Variants in SEC23A observed in about 807,000 individuals in gnomAD.
SEC23A encodes the protein SEC23 homolog A, COPII component.
Under a neutral mutation model 103.7 loss-of-function variants are expected in SEC23A, and 56 were observed. The observed-to-expected ratio is 0.54, with a 90% CI of 0.44 to 0.67. The LOEUF is 0.67. SEC23A is among the 30% of genes least tolerant of loss of function. The pLI is 0.00. For synonymous variants in SEC23A, 281 were observed against 293.0 expected (o/e 0.96, Z 0.42); for missense variants, 784 against 936.4 (o/e 0.84, Z 2.12).
chr14:39,064,914 T>A lies in SEC23A; in HGVS notation c.1307A>T (p.Asn436Ile). The change falls in exon 11 of 20, where the codon AAT (asparagine) becomes ATT (isoleucine). Residue 436 changes from asparagine (N) to isoleucine (I), a missense_variant and splice_region_variant. This residue lies in a region of SEC23A where 683 missense variants were observed against 774.2 expected (regional missense o/e 0.88). Transcript: ENST00000307712. ...LNSKGPCVSE[N>I]EIGTGGTCQW... The stretch of plus-strand genomic sequence containing the variant: ...CTTTTTAGAATAAACACAACTTACA[T>A]TTTCAGACACACAGGGTCCTTTAGA... The A allele has an allele frequency of 6.2e-7, 1 of 1,605,118 alleles. No individual in the cohort carries two copies. The highest frequency in any genetic ancestry group is 8.5e-7 in the Non-Finnish European group (1 of 1,171,864).
chr14:39,079,743 AC>A (rs1485264537), intron 7 of SEC23A, among the ~76,000 whole-genome samples: 1 of 152,010 alleles, frequency 6.6e-6, no homozygotes, highest in Non-Finnish European at 1.5e-5. Flanking sequence ...AATTGCTTAA[AC>A]CCAGGAGGTG....
In SEC23A at chr14:39,091,535, C is replaced by G. The variant is rs765405316; in HGVS notation, c.545G>C (p.Gly182Ala). The change falls in exon 5 of 20, where the codon GGC becomes GCC. Residue 182 changes from glycine (G) to alanine (A), a missense_variant. Transcript: ENST00000307712. ...MVQVHELGCE[G>A]ISKSYVFRGT... is the part of the protein sequence containing the mutation. ...TCTGAAGACATAGCTTTTTGAAATG[C>G]CTTCACATCCAAGTTCATGAACCTG... 3 of 1,613,950 alleles carry G rather than the reference C, an allele frequency of 1.9e-6. No individual in the cohort carries two copies. Among genetic ancestry groups the G allele is most frequent in the Admixed American group, 1.7e-5 (1 of 60,002 alleles).
At chr14:39,056,867 A>C (rs1886268910) in intron 13 of SEC23A, among the ~76,000 whole-genome samples, 1 of 152,188 alleles carries the variant, frequency 6.6e-6, no homozygotes, top group South Asian at 2.1e-4. Flanking sequence ...GTAAGTGTAA[A>C]GGCAGCTCTC....
chr14:39,040,501 G>A, intron 18 of SEC23A: 1 of 572,840 alleles, frequency 1.7e-6, no homozygotes. Context: ...CAGGAAGCTA[G>A]GCTAGAGACA....
At chr14:39,074,670 G>A in intron 8 of SEC23A, 140 bp from the exon 9 acceptor site, 3 of 618,410 alleles carry the variant, frequency 4.9e-6, no homozygotes, top group Non-Finnish European at 8.6e-6. Context: ...TTTCTGTAAT[G>A]TTAATAAAAT....
At chr14:39,086,038 C>T in intron 6 of SEC23A, 132 bp from the exon 7 acceptor site, 3 of 801,084 alleles carry the variant, frequency 3.7e-6, no homozygotes, top group Admixed American at 2.0e-5. Context: ...CTCAAACTTT[C>T]GTGTATATGA....
At chr14:39,067,339 C>T (rs746936125) in intron 9 of SEC23A, 43 bp from the exon 10 acceptor site, 1 of 1,609,854 alleles carries the variant, frequency 6.2e-7, no homozygotes, top group Non-Finnish European at 8.5e-7. Context: ...GACACAGTTA[C>T]TGAGTCCGTG....
intron 14 of SEC23A, 38 bp from the exon 15 acceptor site, chr14:39,048,767 G>T: frequency 1.8e-6 from 2 of 1,133,906 alleles, no homozygotes; most frequent in Non-Finnish European, 2.7e-6. Context: ...TTATTTCCTG[G>T]AATAAAAGCT....
In SEC23A at chr14:39,048,648, T is replaced by C. The variant is rs759590045; in HGVS notation, c.1737+4A>G. The C allele has an allele frequency of 2.5e-6, 4 of 1,569,200 alleles. No homozygotes were observed. The highest frequency in any genetic ancestry group is 3.5e-6 in the Non-Finnish European group (4 of 1,139,366). On this transcript the variant is annotated splice_donor_region_variant and intron_variant, in intron 15 of 19. Transcript: ENST00000307712. ...AAAAGAATATGGACCTTTTACCTACTTACCTGTGGATAAAGGGAGAAAGTT... is the reference window on the plus strand; with the variant it reads ...AAAAGAATATGGACCTTTTACCTACCTACCTGTGGATAAAGGGAGAAAGTT...
chr14:39,085,118 T>C (rs1250012709), intron 7 of SEC23A, among the ~76,000 whole-genome samples: 1 of 152,226 alleles, frequency 6.6e-6, no homozygotes, highest in African/African-American at 2.4e-5. Flanking sequence ...GCCAGTGATG[T>C]AATCAATCAT....
At chr14:39,070,954 G>C (rs1053557590) in intron 9 of SEC23A, among the ~76,000 whole-genome samples, 1 of 152,148 alleles carries the variant, frequency 6.6e-6, no homozygotes. Context: ...TTGAACCCAG[G>C]GGGCGGAGGT....
chr14:39,071,868 AAAAAG>A (rs1209970941), intron 9 of SEC23A, among the ~76,000 whole-genome samples: 1 of 151,312 alleles, frequency 6.6e-6, no homozygotes, highest in Non-Finnish European at 1.5e-5. Flanking sequence ...TCTCAAAATA[AAAAAG>A]AAAGAAAAAG....
intron 13 of SEC23A, among the ~76,000 whole-genome samples, chr14:39,056,076 T>C (rs558152326): frequency 6.4e-4 from 97 of 152,338 alleles, no homozygotes; most frequent in Non-Finnish European, 9.7e-4. Context: ...CCTGTCACAG[T>C]TTAATTAACT....
At chr14:39,040,582 G>A (rs1426655238) in intron 18 of SEC23A, 150 bp downstream of exon 18, 1 of 948,918 alleles carries the variant, frequency 1.1e-6, no homozygotes, top group Admixed American at 1.9e-5. Flanking sequence ...AAAAGCTAAT[G>A]CAAAAAGTAA....
chr14:39,094,369 TATATACACACACACACACACACACACAC>T (rs1887782726), intron 2 of SEC23A, among the ~76,000 whole-genome samples: 2 of 17,712 alleles, frequency 1.1e-4, no homozygotes, highest in African/African-American at 2.0e-4. Context: ...TATACATATA[TATATACACACACACACACACACACACAC>T]ATATATATAT....
At chr14:39,054,066 G>A (rs1343774624) in intron 14 of SEC23A, among the ~76,000 whole-genome samples, 2 of 151,890 alleles carry the variant, frequency 1.3e-5, no homozygotes, top group African/African-American at 4.8e-5. Flanking sequence ...CTTAAACCCA[G>A]GAGTTCCAGA....
At chr14:39,077,229 A>AAG (rs1887062256) in intron 7 of SEC23A, among the ~76,000 whole-genome samples, 1 of 132,030 alleles carries the variant, frequency 7.6e-6, no homozygotes, top group Non-Finnish European at 1.5e-5. Flanking sequence ...CTCCATCTCA[A>AAG]AAAAAAAAAA....
chr14:39,040,023 T>C (rs1444444426), intron 18 of SEC23A: 2 of 152,252 alleles, frequency 1.3e-5, no homozygotes, highest in Non-Finnish European at 2.9e-5. Flanking sequence ...AATACCGTAC[T>C]AGGCACTAGG....
rs1566515208 is a variant in SEC23A at position 39,094,430 on chromosome 14, ATATATATATATATTTT to A, written c.222-1202_222-1187del. Among the ~76,000 whole-genome samples the A allele has an allele frequency of 6.2e-3, 245 of 39,216 alleles. 37 individuals are homozygous for A. Among genetic ancestry groups the A allele is most frequent in the Middle Eastern group, 0.033 (2 of 60 alleles). The allele number at this position is 39,216 out of a possible 152,430, so 25.7% of individuals were successfully genotyped here. ...TATATATATATATATATATATATAT[ATATATATATATATTTT>A]TTTTTTTTTTTTTTCCCCTCCTGTA... On this transcript the variant is annotated intron_variant, in intron 2 of 19. Transcript: ENST00000307712.
Sources: gnomAD v4.1 joint callset for allele counts (sites outside exome capture counted in the v4.1 genomes callset) on GRCh38, gnomAD v4.1.1 for gene constraint, gnomAD v4.1.1 regional missense constraint, MANE v1.5 for transcripts, NCBI Gene and HGNC (gene_info 2026-07-23, HGNC 2026-07-21) for gene names.